Variants in SLC17A8 observed in about 807,000 individuals in gnomAD.
SLC17A8 encodes the protein solute carrier family 17 member 8, also known as vesicular glutamate transporter 3.
A neutral mutation model predicts 58.0 loss-of-function variants in SLC17A8; 31 were observed. That is an observed-to-expected ratio of 0.53 (90% CI 0.40 to 0.72). SLC17A8 has a LOEUF of 0.72. SLC17A8 is among the 30% of genes least tolerant of loss of function. SLC17A8 has a pLI of 0.00. For missense variants in SLC17A8, 655 were observed against 727.8 expected (o/e 0.90, Z 1.15); for synonymous variants, 228 against 249.0 (o/e 0.92, Z 0.79).
At position 100,401,855 on chromosome 12, in the gene SLC17A8, A is replaced by G. The variant is rs765964381; in HGVS notation, c.755A>G (p.Tyr252Cys). The change falls in exon 6 of 12, where the codon TAT becomes TGT. Residue 252 changes from tyrosine (Y) to cysteine (C), a missense_variant. Transcript: ENST00000323346. Reference protein sequence around the residue: ...VQYIGWSSVFYIYGMFGIIWY... With the variant: ...VQYIGWSSVFCIYGMFGIIWY... ...TACATTGGATGGTCCTCTGTCTTTT[A>G]TATTTATGGTGAGTGATTTGACTTC... The G allele has an allele frequency of 6.2e-7, 1 of 1,613,452 alleles. No homozygotes were observed. The highest frequency in any genetic ancestry group is 1.1e-5 in the South Asian group (1 of 91,042).
At chr12:100,403,861 C>A (rs185263871) in intron 8 of SLC17A8, among the ~76,000 whole-genome samples, 177 bp from the exon 9 acceptor site, 1 of 152,146 alleles carries the variant, frequency 6.6e-6, no homozygotes, top group Non-Finnish European at 1.5e-5. Flanking sequence ...TAAAATCATT[C>A]GCTCATTCAT....
intron 3 of SLC17A8, 137 bp downstream of exon 3, chr12:100,391,256 C>G (rs1952714117): frequency 4.3e-6 from 3 of 696,966 alleles, no homozygotes; most frequent in Non-Finnish European, 5.2e-6. Context: ...TTCACAGATA[C>G]TGATCCCAAA....
Position 100,401,828 on chromosome 12 carries a change from AGTAC to A in SLC17A8, c.729_732del (p.Tyr244LeufsTer43), listed in dbSNP as rs1450376699. 6.2e-7 allele frequency: 1 copy of A among 1,614,094 alleles called. No homozygotes were observed. The highest frequency in any genetic ancestry group is 8.5e-7 in the Non-Finnish European group (1 of 1,179,958). Reference sequence around the variant, plus strand: ...ATGCCCCTGGCTGGGGTGTTGGTGCAGTACATTGGATGGTCCTCTGTCTTTTATA... The same window carrying A: ...ATGCCCCTGGCTGGGGTGTTGGTGCAATTGGATGGTCCTCTGTCTTTTATA... On this transcript the variant is annotated frameshift_variant, in exon 6 of 12. Transcript: ENST00000323346. LOFTEE classifies it high-confidence loss of function.
chr12:100,391,836 A>C (rs1952718948), intron 3 of SLC17A8, among the ~76,000 whole-genome samples: 1 of 152,064 alleles, frequency 6.6e-6, no homozygotes, highest in Non-Finnish European at 1.5e-5. Context: ...GTTCCCCTTG[A>C]CCAGTGACAT....
chr12:100,384,776 C>T (rs985755821), intron 2 of SLC17A8, among the ~76,000 whole-genome samples: 3 of 152,210 alleles, frequency 2.0e-5, no homozygotes, highest in South Asian at 2.1e-4. Context: ...TTTCTGAGGC[C>T]GCAGGACAGG....
intron 1 of SLC17A8, among the ~76,000 whole-genome samples, chr12:100,377,747 G>A (rs903661787): frequency 6.6e-6 from 1 of 151,674 alleles, no homozygotes; most frequent in Non-Finnish European, 1.5e-5. Flanking sequence ...TGCCACCACG[G>A]CCAGCTAATT....
At chr12:100,371,873 TGTCTCAGTCTTCTGAGC>T (rs1046300928) in intron 1 of SLC17A8, among the ~76,000 whole-genome samples, 12 of 152,256 alleles carry the variant, frequency 7.9e-5, no homozygotes, top group East Asian at 3.9e-4. Context: ...ATATTCTGAG[TGTCTCAGTCTTCTGAGC>T]GTCTCAGTCT....
chr12:100,393,389 T>C lies in SLC17A8; in HGVS notation c.494T>C (p.Phe165Ser). The change falls in exon 4 of 12, where the codon TTC becomes TCC. Residue 165 changes from phenylalanine to serine, a missense_variant. Coordinates refer to ENST00000323346, the MANE Select transcript of SLC17A8 (RefSeq NM_139319.3). Reference protein sequence around the residue: ...AANRVFGAAIFLTSTLNMFIP... With the variant: ...AANRVFGAAISLTSTLNMFIP... ...CCCAGGGTCTTTGGAGCTGCCATCT[T>C]CTTAACATCGACTCTGAACATGTTT... The C allele has an allele frequency of 6.2e-7, 1 of 1,613,732 alleles. No homozygotes were observed. The highest frequency in any genetic ancestry group is 8.5e-7 in the Non-Finnish European group (1 of 1,179,704).
chr12:100,388,310 C>A (rs1208729510), intron 2 of SLC17A8, among the ~76,000 whole-genome samples: 5 of 152,140 alleles, frequency 3.3e-5, no homozygotes, highest in Non-Finnish European at 7.3e-5. Context: ...CATCTTATTG[C>A]TGGTTACCAT....
In SLC17A8 at chr12:100,357,428, A is replaced by G. The variant is rs576945496; in HGVS notation, c.37A>G (p.Ile13Val). ...FKAFDTFKEK[I>V]LKPGKEGVKN... The stretch of plus-strand genomic sequence containing the variant: ...AGCATTTGATACCTTCAAAGAAAAA[A>G]TTCTGAAACCTGGGAAGGAAGGAGT... The change falls in exon 1 of 12, where the codon ATT becomes GTT. Residue 13 changes from isoleucine (I) to valine (V), a missense_variant. By Grantham distance (29) the Ile-to-Val change is conservative. Coordinates refer to ENST00000323346, the MANE Select transcript of SLC17A8 (RefSeq NM_139319.3). 3 of 1,613,906 alleles carry G rather than the reference A, an allele frequency of 1.9e-6. No homozygotes were observed. In the South Asian group the frequency reaches 3.3e-5, roughly 18 times the overall value.
At chr12:100,394,770 GATTA>G (rs1200933885) in intron 4 of SLC17A8, among the ~76,000 whole-genome samples, 2 of 146,180 alleles carry the variant, frequency 1.4e-5, no homozygotes, top group South Asian at 4.2e-4. Flanking sequence ...ATTATATATA[GATTA>G]ATTATAACAT....
intron 9 of SLC17A8, among the ~76,000 whole-genome samples, chr12:100,407,796 C>CG (rs1340454937): frequency 6.6e-6 from 1 of 151,772 alleles, no homozygotes; most frequent in African/African-American, 2.4e-5. Context: ...TTAGTAGAGG[C>CG]GGGGTTTCAC....
At position 100,369,901 on chromosome 12, in the gene SLC17A8, C is replaced by T. The variant is rs74899749; in HGVS notation, c.102-10800C>T. 2.0e-3 allele frequency among the ~76,000 whole-genome samples: 298 copies of T among 152,212 alleles called. 1 individual carries two copies. The highest frequency in any genetic ancestry group is 6.7e-3 in the African/African-American group (278 of 41,536). ...TAGAAAAGTAACAGTGCAAGTATAA[C>T]GTTAAATGGCAACTGAGCTCACTAT... On this transcript the variant is annotated intron_variant, in intron 1 of 11. Coordinates refer to ENST00000323346, the MANE Select transcript of SLC17A8 (RefSeq NM_139319.3).
chr12:100,373,379 C>T (rs1952571799), intron 1 of SLC17A8, among the ~76,000 whole-genome samples: 1 of 84,866 alleles, frequency 1.2e-5, no homozygotes, highest in South Asian at 4.6e-4. Flanking sequence ...TTTTTCTGGG[C>T]AGGATGAATA....
At position 100,401,810 on chromosome 12, in the gene SLC17A8, T is replaced by C; in HGVS notation, c.710T>C (p.Leu237Pro). Residue 237 changes from leucine (L) to proline (P), a missense_variant, in exon 6 of 12, where the codon CTG (leucine) becomes CCG (proline). Transcript: ENST00000323346. The stretch of plus-strand genomic sequence containing the variant: ...GCAGGGGCAGTGGTTGCCATGCCCC[T>C]GGCTGGGGTGTTGGTGCAGTACATT... The part of the protein sequence containing the change: ...SYAGAVVAMP[L>P]AGVLVQYIGW... 6.2e-7 allele frequency: 1 copy of C among 1,614,126 alleles called. No individual in the cohort carries two copies. Among genetic ancestry groups the C allele is most frequent in the Non-Finnish European group, 8.5e-7 (1 of 1,179,960 alleles).
chr12:100,416,138 A>G (rs1259684090), intron 10 of SLC17A8, among the ~76,000 whole-genome samples: 4 of 152,220 alleles, frequency 2.6e-5, no homozygotes, highest in Non-Finnish European at 5.9e-5. Flanking sequence ...TTTATCTGCT[A>G]TAAAAATCTA....
intron 4 of SLC17A8, among the ~76,000 whole-genome samples, chr12:100,395,326 A>AT (rs11304705): frequency 0.12 from 16,561 of 138,102 alleles, 1,078 homozygotes; most frequent in South Asian, 0.18. Context: ...AAACAAAAGA[A>AT]TTTTTTTTTT....
intron 6 of SLC17A8, 22 bp downstream of exon 6, chr12:100,401,885 G>A (rs1385876422): frequency 1.0e-5 from 16 of 1,580,258 alleles, no homozygotes; most frequent in African/African-American, 8.1e-5. Context: ...GACTTCACAA[G>A]TTCACATGTG....
At chr12:100,414,432 CTTTACTA>C (rs1440697063) in intron 10 of SLC17A8, among the ~76,000 whole-genome samples, 2 of 152,156 alleles carry the variant, frequency 1.3e-5, no homozygotes, top group Non-Finnish European at 2.9e-5. Context: ...TTGAGGCCCT[CTTTACTA>C]TTTACTATTT....
Sources: allele counts gnomAD v4.1 joint callset (sites outside exome capture counted in the v4.1 genomes callset), GRCh38; gene constraint gnomAD v4.1.1; transcripts MANE v1.5; gene names NCBI Gene and HGNC (gene_info 2026-07-23, HGNC 2026-07-21).